Variants in DMD observed in about 807,000 individuals in gnomAD.
The protein encoded by DMD is mutant dystrophin.
Under a neutral mutation model 330.1 loss-of-function variants are expected in DMD, and 63 were observed. The observed-to-expected ratio is 0.19, with a 90% CI of 0.16 to 0.24. The LOEUF is 0.24. Among genes scored for constraint, DMD ranks in the 10% least tolerant of loss-of-function variants. The pLI is 1.00. For synonymous variants in DMD, 1,223 were observed against 959.8 expected (o/e 1.27, Z -5.07); for missense variants, 3,344 against 2,684.1 (o/e 1.25, Z -5.43).
At chrX:33,214,789 G>A (rs1461343763), upstream of DMD, among the ~76,000 whole-genome samples, 5 of 111,301 alleles carry the variant, frequency 4.5e-5, no homozygotes, top group South Asian at 3.8e-4. Context: ...GAGTAGCTGG[G>A]TCTACAGGTG....
intron 2 of DMD, among the ~76,000 whole-genome samples, chrX:32,946,837 A>G (rs987223740): frequency 1.8e-5 from 2 of 111,387 alleles, no homozygotes; most frequent in Admixed American, 9.6e-5. Context: ...GAGCTTTTAA[A>G]CAGCCCAGTG....
At chrX:31,921,373 A>G (rs1480124751) in intron 47 of DMD, among the ~76,000 whole-genome samples, 2 of 111,898 alleles carry the variant, frequency 1.8e-5, no homozygotes, top group Admixed American at 9.5e-5. Context: ...AATGAAAGTA[A>G]TATCAGCGGA....
intron 7 of DMD, among the ~76,000 whole-genome samples, chrX:32,751,673 A>T (rs998239732): frequency 8.9e-6 from 1 of 112,777 alleles, no homozygotes; most frequent in Non-Finnish European, 1.9e-5. Context: ...GTTAATCACC[A>T]AGACAATGAG....
intron 1 of DMD, among the ~76,000 whole-genome samples, chrX:33,161,197 C>A (rs1241537766): frequency 8.9e-6 from 1 of 111,763 alleles, no homozygotes; most frequent in Non-Finnish European, 1.9e-5. Context: ...TTGTCTTTAT[C>A]AATTAGTCAC....
intron 16 of DMD, among the ~76,000 whole-genome samples, chrX:32,558,999 G>A (rs2050691732): frequency 1.1e-5 from 1 of 90,986 alleles, no homozygotes; most frequent in Non-Finnish European, 2.1e-5. Flanking sequence ...CATCCCGGCT[G>A]GAGTGCAGTG....
At chrX:32,593,676 A>G (rs774678601) in intron 13 of DMD, among the ~76,000 whole-genome samples, 1 of 112,183 alleles carries the variant, frequency 8.9e-6, no homozygotes, top group Non-Finnish European at 1.9e-5. Flanking sequence ...CATAGTAAGA[A>G]CATAACGAGT....
At chrX:32,406,707 A>C (rs1222450489) in intron 30 of DMD, among the ~76,000 whole-genome samples, 1 of 110,237 alleles carries the variant, frequency 9.1e-6, no homozygotes, top group Non-Finnish European at 1.9e-5. Context: ...TATTGGTCTA[A>C]AATTCTCTTT....
At chrX:32,418,451 G>GCTTTTGT (rs1472841161) in intron 29 of DMD, among the ~76,000 whole-genome samples, 1 of 111,551 alleles carries the variant, frequency 9.0e-6, no homozygotes, top group African/African-American at 3.3e-5. Flanking sequence ...ATATGTTGAT[G>GCTTTTGT]CTTTTGTCTC....
chrX:31,621,746 C>T (rs1245576634), intron 55 of DMD, among the ~76,000 whole-genome samples: 1 of 111,980 alleles, frequency 8.9e-6, no homozygotes, highest in Non-Finnish European at 1.9e-5. Flanking sequence ...CTACATCATG[C>T]TGTCTTTCCA....
At chrX:33,116,759 C>T (rs1251827952) in intron 1 of DMD, among the ~76,000 whole-genome samples, 2 of 110,840 alleles carry the variant, frequency 1.8e-5, no homozygotes, top group African/African-American at 6.6e-5. Flanking sequence ...TGCTTTAGAA[C>T]CAAAAGTCGA....
intron 7 of DMD, among the ~76,000 whole-genome samples, chrX:32,711,223 G>A (rs1356300554): frequency 9.0e-6 from 1 of 111,406 alleles, no homozygotes; most frequent in Non-Finnish European, 1.9e-5. Context: ...CCATTTTCTT[G>A]GTATAGCTTC....
chrX:32,409,449 ATTTTGC>A (rs1247465014), intron 30 of DMD, among the ~76,000 whole-genome samples: 1 of 111,565 alleles, frequency 9.0e-6, no homozygotes, highest in Non-Finnish European at 1.9e-5. Context: ...CAAGCAAAAT[ATTTTGC>A]TATTAAAAAC....
intron 51 of DMD, among the ~76,000 whole-genome samples, chrX:31,742,083 G>A (rs1042664331): frequency 1.8e-5 from 2 of 111,371 alleles, no homozygotes; most frequent in African/African-American, 6.5e-5. Context: ...CACCTCTCTC[G>A]GCATTCACAG....
chrX:32,758,503 A>C (rs1013310270), intron 7 of DMD, among the ~76,000 whole-genome samples: 2 of 111,460 alleles, frequency 1.8e-5, no homozygotes, highest in Non-Finnish European at 1.9e-5. Flanking sequence ...GTCATGTTTT[A>C]TTCCATCCAC....
chrX:32,198,006 C>T (rs1189689684), intron 44 of DMD, among the ~76,000 whole-genome samples: 2 of 111,550 alleles, frequency 1.8e-5, no homozygotes, highest in African/African-American at 6.5e-5. Context: ...TTAAAAAAGG[C>T]GTTGTTTAAT....
chrX:32,764,601 C>A, intron 7 of DMD, among the ~76,000 whole-genome samples: 1 of 111,700 alleles, frequency 9.0e-6, no homozygotes, highest in Admixed American at 9.6e-5. Context: ...AAGATTCATC[C>A]ATGCTATAAT....
intron 48 of DMD, among the ~76,000 whole-genome samples, chrX:31,871,296 G>T (rs770928743): frequency 9.0e-6 from 1 of 111,085 alleles, no homozygotes; most frequent in East Asian, 2.8e-4. Context: ...AGGATTTCCT[G>T]AATAGGAATA....
At chrX:31,743,484 G>C (rs1183147647) in intron 51 of DMD, among the ~76,000 whole-genome samples, 3 of 112,390 alleles carry the variant, frequency 2.7e-5, no homozygotes, top group Non-Finnish European at 5.6e-5. Flanking sequence ...AGAAAATACG[G>C]TGCATATACA....
chrX:31,821,485 C>T (rs888632368), intron 49 of DMD, among the ~76,000 whole-genome samples: 8 of 111,746 alleles, frequency 7.2e-5, no homozygotes, highest in Non-Finnish European at 3.8e-5. Flanking sequence ...CATCCTCTTG[C>T]GAAACCCGAG....
Sources: gnomAD v4.1 joint callset for allele counts (sites outside exome capture counted in the v4.1 genomes callset) on GRCh38, gnomAD v4.1.1 for gene constraint, MANE v1.5 for transcripts, NCBI Gene and HGNC (gene_info 2026-07-23, HGNC 2026-07-21) for gene names.